The following MS4A4E variants were observed in gnomAD, a reference collection of about 807,000 sequenced individuals.
MS4A4E encodes the protein membrane spanning 4-domains A4E.
A neutral mutation model predicts 13.3 loss-of-function variants in MS4A4E; 23 were observed. The observed-to-expected ratio is 1.73, with a 90% CI of 1.25 to 2.45. MS4A4E has a LOEUF of 2.45. MS4A4E is among the 30% of genes most tolerant of loss of function. MS4A4E has a pLI of 0.00. For synonymous variants in MS4A4E, 36 were observed against 45.6 expected (o/e 0.79, Z 0.85); for missense variants, 144 against 131.2 (o/e 1.10, Z -0.48).
At chr11:60,211,732 G>A (rs1455978567) in intron 5 of MS4A4E, among the ~76,000 whole-genome samples, 1 of 152,186 alleles carries the variant, frequency 6.6e-6, no homozygotes, top group African/African-American at 2.4e-5. Flanking sequence ...GGCCAACATG[G>A]AGAAACCCCG....
intron 1 of MS4A4E, among the ~76,000 whole-genome samples, chr11:60,231,527 T>C (rs2084411530): frequency 6.6e-6 from 1 of 152,096 alleles, no homozygotes; most frequent in Non-Finnish European, 1.5e-5. Flanking sequence ...GAAATGAGTG[T>C]TAAAAACAAA....
intron 8 of MS4A4E, among the ~76,000 whole-genome samples, chr11:60,204,506 C>T (rs546734584): frequency 6.6e-6 from 1 of 152,284 alleles, no homozygotes; most frequent in East Asian, 1.9e-4. Context: ...TCAAATTACT[C>T]TCATCATTTT....
At chr11:60,214,728 A>C in intron 3 of MS4A4E, 114 bp from the exon 4 acceptor site, 2 of 535,546 alleles carry the variant, frequency 3.7e-6, no homozygotes, top group Non-Finnish European at 6.2e-6. Flanking sequence ...ATGTATAAAC[A>C]GGTCAATTAT....
intron 8 of MS4A4E, among the ~76,000 whole-genome samples, chr11:60,202,568 C>T (rs558893524): frequency 3.9e-5 from 6 of 152,100 alleles, no homozygotes; most frequent in African/African-American, 9.7e-5. Context: ...GAGCTATTAC[C>T]CAAACCGAAA....
At chr11:60,239,330 T>C (rs964474715) in intron 1 of MS4A4E, among the ~76,000 whole-genome samples, 1 of 152,192 alleles carries the variant, frequency 6.6e-6, no homozygotes, top group African/African-American at 2.4e-5. Context: ...TAACTACCTA[T>C]TGACTATTAT....
rs190467801 is a variant in MS4A4E at position 60,223,529 on chromosome 11, T to C, written c.178+5065A>G. Among the ~76,000 whole-genome samples, 623 of 152,270 alleles carry C rather than the reference T, an allele frequency of 4.1e-3. 4 individuals carry two copies. Among genetic ancestry groups the C allele is most frequent in the Non-Finnish European group, 4.4e-3 (301 of 68,014 alleles). The stretch of plus-strand genomic sequence containing the variant: ...TGGTTAATATTGAATGTTAACTTGA[T>C]TGGATTGAAGGATGCAAAATATCAT... On this transcript the variant is annotated intron_variant, in intron 3 of 8. Coordinates refer to ENST00000651255, the MANE Select transcript of MS4A4E (RefSeq NM_001393391.1).
At chr11:60,204,252 C>T (rs937862150) in intron 8 of MS4A4E, among the ~76,000 whole-genome samples, 3 of 152,056 alleles carry the variant, frequency 2.0e-5, no homozygotes, top group Non-Finnish European at 2.9e-5. Flanking sequence ...AGGATTTTGC[C>T]CAGTTATAGC....
intron 6 of MS4A4E, 90 bp downstream of exon 6, chr11:60,208,503 T>C (rs2084077444): frequency 2.5e-6 from 1 of 399,768 alleles, no homozygotes; most frequent in East Asian, 3.8e-5. Flanking sequence ...ATAATGAATG[T>C]GTACTGTGTT....
intron 1 of MS4A4E, among the ~76,000 whole-genome samples, chr11:60,237,515 A>G (rs922475917): frequency 6.6e-6 from 1 of 152,300 alleles, no homozygotes; most frequent in Admixed American, 6.5e-5. Flanking sequence ...TTTTTGAGGA[A>G]TCACCACAGT....
intron 6 of MS4A4E, chr11:60,206,653 T>A (rs1344738591): frequency 2.2e-5 from 5 of 223,890 alleles, no homozygotes; most frequent in African/African-American, 1.2e-4. Flanking sequence ...TGGAGCATTC[T>A]TCTGTTAATC....
chr11:60,219,562 C>T (rs905195753), intron 3 of MS4A4E, among the ~76,000 whole-genome samples: 5 of 152,184 alleles, frequency 3.3e-5, no homozygotes, highest in East Asian at 3.8e-4. Context: ...AACAGAGAAT[C>T]GCAGCCCCAC....
At chr11:60,239,846 C>T (rs1447983597) in intron 1 of MS4A4E, among the ~76,000 whole-genome samples, 1 of 152,166 alleles carries the variant, frequency 6.6e-6, no homozygotes, top group Admixed American at 6.5e-5. Context: ...AATAAAATAG[C>T]AGGCCTTATT....
At chr11:60,207,548 C>G (rs939381993) in intron 6 of MS4A4E, among the ~76,000 whole-genome samples, 1 of 152,068 alleles carries the variant, frequency 6.6e-6, no homozygotes, top group Non-Finnish European at 1.5e-5. Context: ...GCCTGGGAAT[C>G]CCTAAAGAAG....
intron 1 of MS4A4E, among the ~76,000 whole-genome samples, chr11:60,236,314 T>A (rs1410717536): frequency 6.6e-6 from 1 of 152,230 alleles, no homozygotes; most frequent in Non-Finnish European, 1.5e-5. Context: ...GATTTTGGAA[T>A]TAGCTTGCAA....
chr11:60,229,868 T>A, intron 2 of MS4A4E, 44 bp downstream of exon 2: 1 of 1,554,188 alleles, frequency 6.4e-7, no homozygotes, highest in Non-Finnish European at 8.7e-7. Context: ...CAAATGTGAG[T>A]TTACAACACT....
At position 60,200,842 on chromosome 11, in the gene MS4A4E, G is replaced by T. The variant is rs1201678449; in HGVS notation, c.*701C>A. Among the ~76,000 whole-genome samples, 6 of 151,130 alleles carry T rather than the reference G, an allele frequency of 4.0e-5. No homozygotes were observed. Among genetic ancestry groups the T allele is most frequent in the Admixed American group, 2.6e-4 (4 of 15,238 alleles). On this transcript the variant is annotated 3_prime_UTR_variant, in exon 9 of 9. Transcript: ENST00000651255. ...GATGGGGTGGTGGCCGGGCAGAGGG[G>T]CTCCTCACTTCCCAGTAGGGGCGGC... is the stretch of plus-strand genomic sequence containing the variant.
chr11:60,220,397 A>T (rs565393028), intron 3 of MS4A4E, among the ~76,000 whole-genome samples: 1 of 152,322 alleles, frequency 6.6e-6, no homozygotes, highest in South Asian at 2.1e-4. Context: ...ATTCCTGTCT[A>T]TAAGGCCCAC....
chr11:60,223,812 A>C (rs1255155753), intron 3 of MS4A4E, among the ~76,000 whole-genome samples: 1 of 152,056 alleles, frequency 6.6e-6, no homozygotes, highest in Non-Finnish European at 1.5e-5. Flanking sequence ...AACTGGCTTC[A>C]TTGCCCCTCA....
intron 8 of MS4A4E, among the ~76,000 whole-genome samples, chr11:60,202,402 A>C (rs947019575): frequency 6.6e-6 from 1 of 152,212 alleles, no homozygotes; most frequent in African/African-American, 2.4e-5. Context: ...TGTATATAGA[A>C]TGTATGGGAG....
Sources: gnomAD v4.1 joint callset for allele counts (sites outside exome capture counted in the v4.1 genomes callset) on GRCh38, gnomAD v4.1.1 for gene constraint, MANE v1.5 for transcripts, NCBI Gene and HGNC (gene_info 2026-07-23, HGNC 2026-07-21) for gene names.